KIF26B: variants seen among roughly 807,000 people sequenced by gnomAD.
KIF26B encodes kinesin-like protein KIF26B.
In KIF26B, 63 loss-of-function variants were observed where a neutral mutation model predicts 151.2. That is an observed-to-expected ratio of 0.42 (90% confidence interval 0.34 to 0.51). The LOEUF is 0.51. Among genes scored for constraint, KIF26B ranks in the 20% least tolerant of loss-of-function variants. KIF26B has a pLI of 0.07. For synonymous variants in KIF26B, 1,357 were observed against 1,262.1 expected, an observed-to-expected ratio of 1.08 and a Z score of -1.59; for missense variants, 2,813 against 2,913.6, an observed-to-expected ratio of 0.97 and a Z score of 0.79.
intron 9 of KIF26B, among the ~76,000 whole-genome samples, chr1:245,618,479 T>G (rs1243607110): frequency 6.6e-6 from 1 of 151,766 alleles, no homozygotes; most frequent in African/African-American, 2.4e-5. Flanking sequence ...GTGCTGGGGC[T>G]GTGTCCGCTG....
At chr1:245,436,741 C>T (rs1558165182) in intron 4 of KIF26B, among the ~76,000 whole-genome samples, 1 of 152,106 alleles carries the variant, frequency 6.6e-6, no homozygotes, top group African/African-American at 2.4e-5. Flanking sequence ...CGTAGCCTAG[C>T]CAAGTTGACA....
chr1:245,659,917 A>T (rs1242460540), intron 10 of KIF26B, among the ~76,000 whole-genome samples: 2 of 151,192 alleles, frequency 1.3e-5, no homozygotes. Context: ...GCGTGGTGGA[A>T]CATGCCTGTA....
chr1:245,254,127 C>G (rs1359167106), intron 2 of KIF26B, among the ~76,000 whole-genome samples: 1 of 151,900 alleles, frequency 6.6e-6, no homozygotes, highest in Non-Finnish European at 1.5e-5. Context: ...TGTTTTTTTT[C>G]TTTAACATTA....
chr1:245,611,701 C>G (rs2043523249), intron 8 of KIF26B, 92 bp from the exon 9 acceptor site: 1 of 1,363,294 alleles, frequency 7.3e-7, no homozygotes, highest in Non-Finnish European at 1.0e-6. Context: ...ACAGAACACA[C>G]AGCCAGCTGA....
At chr1:245,220,299 G>A (rs549535942) in intron 2 of KIF26B, among the ~76,000 whole-genome samples, 12 of 152,294 alleles carry the variant, frequency 7.9e-5, no homozygotes, top group South Asian at 4.1e-4. Flanking sequence ...GGATGTTCCC[G>A]TCTAATTCTC....
intron 3 of KIF26B, among the ~76,000 whole-genome samples, chr1:245,412,737 A>T (rs993007141): frequency 2.0e-5 from 3 of 152,212 alleles, no homozygotes; most frequent in Non-Finnish European, 2.9e-5. Context: ...GTATCAGTGT[A>T]GACATTTAAA....
intron 5 of KIF26B, among the ~76,000 whole-genome samples, chr1:245,559,535 T>C (rs1380693029): frequency 3.3e-5 from 5 of 152,040 alleles, no homozygotes; most frequent in Admixed American, 6.6e-5. Flanking sequence ...GCCTCAGCCT[T>C]CCAAGTAGCT....
At chr1:245,421,942 C>T (rs776223826) in intron 4 of KIF26B, among the ~76,000 whole-genome samples, 1 of 152,000 alleles carries the variant, frequency 6.6e-6, no homozygotes, top group East Asian at 1.9e-4. Context: ...AAATCACTAG[C>T]GAAAGCCTAG....
At chr1:245,191,108 A>G (rs922339999) in intron 2 of KIF26B, among the ~76,000 whole-genome samples, 1 of 151,000 alleles carries the variant, frequency 6.6e-6, no homozygotes, top group Non-Finnish European at 1.5e-5. Context: ...CCAGATATGC[A>G]TAAATATGAA....
At chr1:245,415,167 C>T (rs1362946119) in intron 3 of KIF26B, among the ~76,000 whole-genome samples, 1 of 152,148 alleles carries the variant, frequency 6.6e-6, no homozygotes, top group African/African-American at 2.4e-5. Flanking sequence ...ATCCCTTATG[C>T]TGTTAATGAC....
chr1:245,693,871 A>G (rs1041190379), intron 12 of KIF26B, among the ~76,000 whole-genome samples: 5 of 152,260 alleles, frequency 3.3e-5, no homozygotes, highest in Non-Finnish European at 5.9e-5. Context: ...GTCAGACTTC[A>G]GATTTCCAGA....
intron 3 of KIF26B, among the ~76,000 whole-genome samples, chr1:245,388,534 C>A (rs1367267365): frequency 2.0e-5 from 3 of 152,124 alleles, no homozygotes; most frequent in Admixed American, 6.5e-5. Flanking sequence ...TAATCTGGCC[C>A]AGGATATTTT....
chr1:245,379,074 G>T (rs1673341473), intron 3 of KIF26B, among the ~76,000 whole-genome samples: 1 of 152,236 alleles, frequency 6.6e-6, no homozygotes, highest in African/African-American at 2.4e-5. Context: ...GTAAGAGCCA[G>T]TGGCAGATGA....
intron 4 of KIF26B, among the ~76,000 whole-genome samples, chr1:245,438,082 C>T (rs1378597340): frequency 6.6e-6 from 1 of 152,186 alleles, no homozygotes; most frequent in African/African-American, 2.4e-5. Context: ...GTCTTCTTGA[C>T]TTTCCACTAT....
At chr1:245,539,810 A>G (rs995069797) in intron 4 of KIF26B, among the ~76,000 whole-genome samples, 7 of 151,610 alleles carry the variant, frequency 4.6e-5, no homozygotes, top group Non-Finnish European at 1.0e-4. Flanking sequence ...GCACCACCAC[A>G]CCCGGCTAAT....
In KIF26B at chr1:245,702,373, G is replaced by A; in HGVS notation, c.6179-85G>A. 1.4e-6 allele frequency: 2 copies of A among 1,467,936 alleles called. No homozygotes were observed. Among genetic ancestry groups the A allele is most frequent in the Non-Finnish European group, 1.9e-6 (2 of 1,060,148 alleles). The allele number at this position is 1,467,936 out of a possible 1,614,324, so 90.9% of individuals were successfully genotyped here. On this transcript the variant is annotated intron_variant, in intron 14 of 14. Coordinates refer to ENST00000407071, the MANE Select transcript of KIF26B (RefSeq NM_018012.4). The surrounding 1 kb of genome is among the most constrained non-coding windows in gnomAD (Gnocchi z 4.1). ...CCTTTAGACCAAGGGGTAGATGTGGGGGTGGCAGCTCCAGGCTGAGCCGTC... is the reference window on the plus strand; with the variant it reads ...CCTTTAGACCAAGGGGTAGATGTGGAGGTGGCAGCTCCAGGCTGAGCCGTC...
At chr1:245,474,255 C>A (rs1163384991) in intron 4 of KIF26B, among the ~76,000 whole-genome samples, 2 of 144,256 alleles carry the variant, frequency 1.4e-5, no homozygotes, top group Admixed American at 1.4e-4. Flanking sequence ...ACTACAGGTG[C>A]CCGCCACCAC....
At chr1:245,484,300 T>A (rs1660229251) in intron 4 of KIF26B, among the ~76,000 whole-genome samples, 1 of 151,914 alleles carries the variant, frequency 6.6e-6, no homozygotes, top group Non-Finnish European at 1.5e-5. Context: ...ATTATGTATC[T>A]GTGTTCTCTT....
chr1:245,463,082 G>A (rs572476231), intron 4 of KIF26B, among the ~76,000 whole-genome samples: 5 of 152,224 alleles, frequency 3.3e-5, no homozygotes, highest in South Asian at 2.1e-4. Flanking sequence ...CTTTCTCAAC[G>A]GTGTCCTTCT....
Sources: allele counts gnomAD v4.1 joint callset (sites outside exome capture counted in the v4.1 genomes callset), GRCh38; gene constraint gnomAD v4.1.1; non-coding constraint Gnocchi (gnomAD v3.1); transcripts MANE v1.5; gene names NCBI Gene and HGNC (gene_info 2026-07-23, HGNC 2026-07-21).